The following KCNQ5 variants were observed in gnomAD, a reference collection of about 807,000 sequenced individuals.
KCNQ5 encodes potassium voltage-gated channel subfamily Q member 5.
KCNQ5 carries 30 observed loss-of-function variants against 98.2 expected under a neutral mutation model. The observed-to-expected ratio is 0.31, with a 90% CI of 0.23 to 0.41. The LOEUF is 0.41. Among genes scored for constraint, KCNQ5 ranks in the 10% least tolerant of loss-of-function variants. The probability of loss-of-function intolerance (pLI) is 1.00; values close to 1 mark genes in which losing one functional copy is unlikely to be tolerated. For synonymous variants in KCNQ5, 458 were observed against 449.4 expected (o/e 1.02, Z -0.24); for missense variants, 835 against 1,182.5 (o/e 0.71, Z 4.31).
intron 1 of KCNQ5, among the ~76,000 whole-genome samples, chr6:72,699,608 T>C (rs577990464): frequency 6.6e-6 from 1 of 152,172 alleles, no homozygotes; most frequent in South Asian, 2.1e-4. Context: ...AATATCACAA[T>C]TAAAGGACAA....
rs192778405 is a variant in KCNQ5, at chr6:72,866,308, G to T, written c.399-137600G>T. On this transcript the variant is annotated intron_variant, in intron 1 of 13. Coordinates refer to ENST00000370398, the MANE Select transcript of KCNQ5 (RefSeq NM_019842.4). Reference sequence around the variant, plus strand: ...TCACTCTGGTTGCCCAGGCTGAAGTGCAGCGGTGTGATCTCGGCCCACTGC... The same window carrying T: ...TCACTCTGGTTGCCCAGGCTGAAGTTCAGCGGTGTGATCTCGGCCCACTGC... Among the ~76,000 whole-genome samples the T allele has an allele frequency of 5.0e-3, 687 of 138,122 alleles. 6 individuals carry two copies. Among genetic ancestry groups the T allele is most frequent in the African/African-American group, 0.017 (619 of 35,602 alleles). The allele number at this position is 138,122 out of a possible 152,430, so 90.6% of individuals were successfully genotyped here. A position where few individuals can be genotyped will look rare whatever the true frequency, so the allele number is the denominator to read the frequency against.
intron 1 of KCNQ5, among the ~76,000 whole-genome samples, chr6:72,739,535 A>C (rs904473719): frequency 3.9e-5 from 6 of 152,234 alleles, no homozygotes; most frequent in Non-Finnish European, 8.8e-5. Flanking sequence ...TTCATAACAG[A>C]AACTCTGAGC....
At chr6:73,165,895 A>C (rs1391761815) in intron 10 of KCNQ5, among the ~76,000 whole-genome samples, 1 of 151,774 alleles carries the variant, frequency 6.6e-6, no homozygotes, top group African/African-American at 2.4e-5. Flanking sequence ...CAGTGAGCCG[A>C]GATTGTGCTA....
In KCNQ5 at chr6:72,987,311, C is replaced by T. The variant is rs934413137; in HGVS notation, c.399-16597C>T. On this transcript the variant is annotated intron_variant, in intron 1 of 13. Transcript: ENST00000370398. ...AGGTGGTGTTGGAAAAGAAAGGCAA[C>T]ATGGACGAGGCGCACATAGACCAGG... 8 of 702,002 alleles carry T rather than the reference C, an allele frequency of 1.1e-5. No individual in the cohort carries two copies. The African/African-American group carries it at 1.4e-4, about 12-fold the overall frequency. The allele number at this position is 702,002 out of a possible 1,614,324, so 43.5% of individuals were successfully genotyped here. A position where few individuals can be genotyped will look rare whatever the true frequency, so the allele number is the denominator to read the frequency against.
At chr6:72,862,752 C>T (rs1262910113) in intron 1 of KCNQ5, among the ~76,000 whole-genome samples, 1 of 152,018 alleles carries the variant, frequency 6.6e-6, no homozygotes, top group African/African-American at 2.4e-5. Context: ...CTCACCCTCC[C>T]GAATAACTGG....
chr6:72,674,235 T>G (rs1449075598), intron 1 of KCNQ5, among the ~76,000 whole-genome samples: 1 of 151,926 alleles, frequency 6.6e-6, no homozygotes, highest in Non-Finnish European at 1.5e-5. Flanking sequence ...TTTGGAGAAA[T>G]TATTTCCCAT....
chr6:73,099,050 G>T (rs1414328809), intron 5 of KCNQ5, among the ~76,000 whole-genome samples: 1 of 152,012 alleles, frequency 6.6e-6, no homozygotes, highest in African/African-American at 2.4e-5. Flanking sequence ...TTGTTTATTT[G>T]TTTATGCAAT....
intron 1 of KCNQ5, among the ~76,000 whole-genome samples, chr6:72,990,564 C>T (rs1374169128): frequency 3.8e-5 from 4 of 104,532 alleles, no homozygotes; most frequent in East Asian, 5.6e-4. Flanking sequence ...TGGGCTGAGA[C>T]GATGGGGTTT....
chr6:73,082,737 C>A (rs1056543012), intron 5 of KCNQ5, among the ~76,000 whole-genome samples: 4 of 152,170 alleles, frequency 2.6e-5, no homozygotes, highest in Non-Finnish European at 4.4e-5. Flanking sequence ...CTTATTTCCT[C>A]TTCACTGACT....
intron 10 of KCNQ5, among the ~76,000 whole-genome samples, chr6:73,140,612 T>C (rs975720592): frequency 6.6e-6 from 1 of 152,244 alleles, no homozygotes; most frequent in Non-Finnish European, 1.5e-5. Flanking sequence ...CTGAGGGTTT[T>C]CTTTAATGTT....
chr6:72,720,719 T>C (rs1018851952), intron 1 of KCNQ5, among the ~76,000 whole-genome samples: 2 of 152,228 alleles, frequency 1.3e-5, no homozygotes, highest in Non-Finnish European at 2.9e-5. Flanking sequence ...TTTTACAGAT[T>C]AGTTTGTCTC....
rs139401476 is a variant in KCNQ5 at position 73,151,385 on chromosome 6, G to A, written c.1468+17744G>A. 1.9e-3 allele frequency among the ~76,000 whole-genome samples: 283 copies of A among 152,130 alleles called. 1 individual carries two copies. The highest frequency in any genetic ancestry group is 6.6e-3 in the African/African-American group (274 of 41,494). On this transcript the variant is annotated intron_variant, in intron 10 of 13. Coordinates refer to ENST00000370398, the MANE Select transcript of KCNQ5 (RefSeq NM_019842.4). ...TGAATACTGTTTACTTTCTATTCTG[G>A]TAAATGAAGATTTCACTCTTTTTTC...
At position 73,082,458 on chromosome 6, in the gene KCNQ5, A is replaced by G. The variant is rs550384419; in HGVS notation, c.918+4571A>G. Among the ~76,000 whole-genome samples, 11 of 152,330 alleles carry G rather than the reference A, an allele frequency of 7.2e-5. No homozygotes were observed. The East Asian group carries it at 1.3e-3, about 19-fold the overall frequency. ...ATGAATCACAGAAGATTTTTATAAT[A>G]AAAATGTAATCTATCCAGTGCATGT... On this transcript the variant is annotated intron_variant, in intron 5 of 13. Transcript: ENST00000370398.
rs546891459 is a variant in KCNQ5, at chr6:73,152,836, A to T, written c.1469-16910A>T. On this transcript the variant is annotated intron_variant, in intron 10 of 13. Coordinates refer to ENST00000370398, the MANE Select transcript of KCNQ5 (RefSeq NM_019842.4). ...TGATCAGATTCCCCAGAGAGTAGCT[A>T]CTCAAACTCCTAGAGGGAAAAGGTC... Among the ~76,000 whole-genome samples the T allele has an allele frequency of 2.0e-5, 3 of 152,280 alleles. No individual in the cohort carries two copies. In the East Asian group the frequency reaches 5.8e-4, roughly 29 times the overall value.
At chr6:72,870,183 G>A (rs1195931306) in intron 1 of KCNQ5, among the ~76,000 whole-genome samples, 1 of 152,126 alleles carries the variant, frequency 6.6e-6, no homozygotes, top group Admixed American at 6.6e-5. Context: ...TTTTTGTCAT[G>A]ACTGCAATGA....
chr6:72,665,071 G>A (rs1478674354), intron 1 of KCNQ5, among the ~76,000 whole-genome samples: 1 of 151,982 alleles, frequency 6.6e-6, no homozygotes, highest in South Asian at 2.1e-4. Flanking sequence ...TAACTGCCTG[G>A]GTGTGGTGTC....
chr6:72,981,845 T>A (rs1768473944), intron 1 of KCNQ5, among the ~76,000 whole-genome samples: 1 of 152,054 alleles, frequency 6.6e-6, no homozygotes, highest in Non-Finnish European at 1.5e-5. Context: ...TCCCAGAGAT[T>A]CTGGTTGTGT....
At chr6:72,907,906 A>G (rs1267007454) in intron 1 of KCNQ5, among the ~76,000 whole-genome samples, 4 of 152,112 alleles carry the variant, frequency 2.6e-5, no homozygotes, top group African/African-American at 4.8e-5. Flanking sequence ...TAAGAGAATA[A>G]AAACTTAGTG....
intron 10 of KCNQ5, among the ~76,000 whole-genome samples, chr6:73,160,877 ATT>A (rs34460514): frequency 8.6e-5 from 13 of 151,582 alleles, no homozygotes; most frequent in Admixed American, 4.6e-4. Context: ...CATTATTGGG[ATT>A]TTTTTTTTAA....
Sources: gnomAD v4.1 joint callset for allele counts (sites outside exome capture counted in the v4.1 genomes callset) on GRCh38, gnomAD v4.1.1 for gene constraint, MANE v1.5 for transcripts, NCBI Gene and HGNC (gene_info 2026-07-23, HGNC 2026-07-21) for gene names.